MBTPS1: variants seen among roughly 807,000 people sequenced by gnomAD.
The protein encoded by MBTPS1 is membrane bound transcription factor peptidase, site 1, also known as membrane-bound transcription factor site-1 protease.
In MBTPS1, 94 loss-of-function variants were observed where a neutral mutation model predicts 127.8. The observed-to-expected ratio is 0.74, with a 90% confidence interval of 0.62 to 0.87. The LOEUF is 0.87. Among genes scored for constraint, MBTPS1 ranks in the 40% least tolerant of loss-of-function variants. The probability of loss-of-function intolerance (pLI) is 0.00; values close to 1 mark genes in which losing one functional copy is unlikely to be tolerated. For missense variants in MBTPS1, 1,636 were observed against 1,353.2 expected (o/e 1.21, Z -3.28); for synonymous variants, 632 against 509.4 (o/e 1.24, Z -3.24).
intron 8 of MBTPS1, among the ~76,000 whole-genome samples, chr16:84,090,177 C>A (rs1306978506): frequency 6.6e-6 from 1 of 152,304 alleles, no homozygotes; most frequent in South Asian, 2.1e-4. Context: ...ACTTCGAGCA[C>A]AAGAAATGAC....
chr16:84,061,459 C>T (rs766884789), intron 19 of MBTPS1: 1 of 152,260 alleles, frequency 6.6e-6, no homozygotes, highest in Non-Finnish European at 1.5e-5. Flanking sequence ...GACCATGTGA[C>T]ACCCACTGAG....
chr16:84,056,154 A>C lies in MBTPS1; in HGVS notation c.2832-19T>G, dbSNP rs1297996711. 1 of 1,609,810 alleles carries C rather than the reference A, an allele frequency of 6.2e-7. No homozygotes were observed. The highest frequency in any genetic ancestry group is 1.1e-5 in the South Asian group (1 of 91,010). ...AAGGTTACTTCAGGAAAATGGATTA[A>C]AACAAAACAAAAATAAGCCATTGTA... On this transcript the variant is annotated intron_variant, in intron 21 of 22. Transcript: ENST00000343411.
chr16:84,098,974 C>G (rs2086216578), intron 3 of MBTPS1, 79 bp downstream of exon 3: 3 of 1,349,610 alleles, frequency 2.2e-6, no homozygotes, highest in Non-Finnish European at 2.1e-6. Flanking sequence ...ACTCACTGTA[C>G]TATTTTTCAA....
intron 1 of MBTPS1, among the ~76,000 whole-genome samples, chr16:84,111,535 C>CATGG (rs1380471390): frequency 7.1e-6 from 1 of 139,974 alleles, no homozygotes; most frequent in Admixed American, 7.2e-5. Flanking sequence ...AGAGAGACTC[C>CATGG]ATCTCAAAAA....
chr16:84,089,507 A>G (rs540349651), intron 8 of MBTPS1, among the ~76,000 whole-genome samples: 1 of 152,352 alleles, frequency 6.6e-6, no homozygotes, highest in South Asian at 2.1e-4. Context: ...CTGCTACAAT[A>G]TATGTTTGAA....
chr16:84,060,824 A>G lies in MBTPS1; in HGVS notation c.2573-11T>C, dbSNP rs1567471913. ...GAAGCCAAAAGCAGTCTGCGAAGTC[A>G]ACAAGCCTGTTTAGGAATTCCTTTT... is the stretch of plus-strand genomic sequence containing the variant. On this transcript the variant is annotated splice_polypyrimidine_tract_variant and intron_variant, in intron 19 of 22. Coordinates refer to ENST00000343411, the MANE Select transcript of MBTPS1 (RefSeq NM_003791.4). 6.4e-7 allele frequency: 1 copy of G among 1,557,862 alleles called. No homozygotes were observed. The highest frequency in any genetic ancestry group is 8.7e-7 in the Non-Finnish European group (1 of 1,151,272).
rs767267450 is a variant in MBTPS1, at chr16:84,085,143, A to T, written c.1135-9T>A. 3 of 1,613,658 alleles carry T rather than the reference A, an allele frequency of 1.9e-6. No homozygotes were observed. The highest frequency in any genetic ancestry group is 2.5e-6 in the Non-Finnish European group (3 of 1,179,812). On this transcript the variant is annotated splice_polypyrimidine_tract_variant and intron_variant, in intron 9 of 22. Transcript: ENST00000343411. ...TAGCCTCCTGGTAGCTCCTATGAAT[A>T]AAAGCAGCTTGGTTGCTACATCTCG...
intron 1 of MBTPS1, among the ~76,000 whole-genome samples, chr16:84,108,000 C>A (rs2086347891): frequency 6.6e-6 from 1 of 151,046 alleles, no homozygotes; most frequent in South Asian, 2.1e-4. Context: ...GCCACTGTGT[C>A]TGGCCTGGGC....
At chr16:84,096,146 C>G (rs886114890) in intron 3 of MBTPS1, among the ~76,000 whole-genome samples, 2 of 152,102 alleles carry the variant, frequency 1.3e-5, no homozygotes, top group East Asian at 3.9e-4. Flanking sequence ...CTTGTTCTCA[C>G]TGAACCAGAA....
At chr16:84,099,359 T>C in intron 2 of MBTPS1, 49 bp from the exon 3 acceptor site, 1 of 1,564,440 alleles carries the variant, frequency 6.4e-7, no homozygotes, top group Non-Finnish European at 8.7e-7. Context: ...ACATACATTA[T>C]AACATATACT....
At chr16:84,093,859 A>G (rs374882087) in intron 4 of MBTPS1, 38 bp from the exon 5 acceptor site, 15 of 1,389,208 alleles carry the variant, frequency 1.1e-5, no homozygotes, top group Non-Finnish European at 1.5e-5. Context: ...TTATGTTTGA[A>G]GAAATCATCA....
At chr16:84,054,956 G>A (rs1165831972) in intron 22 of MBTPS1, among the ~76,000 whole-genome samples, 1 of 152,164 alleles carries the variant, frequency 6.6e-6, no homozygotes, top group Non-Finnish European at 1.5e-5. Context: ...CCGAAGGGAG[G>A]CCCAGAGGCG....
At chr16:84,097,486 A>G (rs1425312632) in intron 3 of MBTPS1, among the ~76,000 whole-genome samples, 3 of 152,194 alleles carry the variant, frequency 2.0e-5, no homozygotes, top group Admixed American at 1.3e-4. Context: ...CTCCCCTCAC[A>G]GGGGTGTCAG....
intron 21 of MBTPS1, chr16:84,057,027 G>C (rs1489994061): frequency 1.3e-5 from 2 of 152,194 alleles, no homozygotes; most frequent in Non-Finnish European, 2.9e-5. Flanking sequence ...CTGTCAGCCT[G>C]TCTCTTTCAC....
chr16:84,066,529 A>T lies in MBTPS1; in HGVS notation c.2313T>A (p.Asp771Glu). 6.2e-7 allele frequency: 1 copy of T among 1,614,200 alleles called. No individual in the cohort carries two copies. Among genetic ancestry groups the T allele is most frequent in the Non-Finnish European group, 8.5e-7 (1 of 1,180,030 alleles). ...GGGTGAACTCCCCTTCATACAGGCCATCGCTGAACCCCATGTTCCACACAG... is the reference window on the plus strand; with the variant it reads ...GGGTGAACTCCCCTTCATACAGGCCTTCGCTGAACCCCATGTTCCACACAG... ...LLSVWNMGFS[D>E]GLYEGEFTLA... Residue 771 changes from aspartate (D) to glutamate (E), a missense_variant, in exon 17 of 23, where the codon GAT (aspartate) becomes GAA (glutamate). Asp to Glu is a conservative substitution (Grantham distance 45). Transcript: ENST00000343411.
Position 84,081,897 on chromosome 16 carries a change from T to C in MBTPS1, c.1298A>G (p.Lys433Arg), listed in dbSNP as rs368415040. The change falls in exon 11 of 23, where the codon AAG (lysine) becomes AGG (arginine). Residue 433 changes from lysine to arginine, a missense_variant. Lys to Arg is a conservative substitution (Grantham distance 26, BLOSUM62 2). Coordinates refer to ENST00000343411, the MANE Select transcript of MBTPS1 (RefSeq NM_003791.4). ...AVTLLVSTVQ[K>R]RELVNPASMK... is the part of the protein sequence containing the mutation. ...ACTGGCGGGATTCACCAGCTCACGC[T>C]TCTGGACTGTGCTGGAGGAAAAATC... 3 of 1,416,872 alleles carry C rather than the reference T, an allele frequency of 2.1e-6. No individual in the cohort carries two copies. The African/African-American group carries it at 4.4e-5, about 21-fold the overall frequency. 87.8% of individuals were successfully genotyped at this position (1,416,872 alleles called of 1,614,324 possible).
chr16:84,109,715 A>T (rs191311381), intron 1 of MBTPS1: 1 of 152,322 alleles, frequency 6.6e-6, no homozygotes, highest in East Asian at 1.9e-4. Flanking sequence ...CCCCAGATTG[A>T]AGGAGACTCC....
chr16:84,093,879 T>G, intron 4 of MBTPS1, 58 bp from the exon 5 acceptor site: 1 of 1,300,452 alleles, frequency 7.7e-7, no homozygotes, highest in Non-Finnish European at 1.1e-6. Context: ...ATTTTGGATT[T>G]TGCCTATAAA....
intron 10 of MBTPS1, among the ~76,000 whole-genome samples, chr16:84,082,660 A>C (rs1481497325): frequency 6.6e-6 from 1 of 152,016 alleles, no homozygotes; most frequent in Admixed American, 6.5e-5. Context: ...GGAAAACTTA[A>C]CTCTCCTAAG....
Sources: gnomAD v4.1 joint callset for allele counts (sites outside exome capture counted in the v4.1 genomes callset) on GRCh38, gnomAD v4.1.1 for gene constraint, MANE v1.5 for transcripts, NCBI Gene and HGNC (gene_info 2026-07-23, HGNC 2026-07-21) for gene names.